The following INSR variants were observed in gnomAD, a reference collection of about 807,000 sequenced individuals.
INSR encodes IR.
INSR carries 67 observed loss-of-function variants against 142.6 expected under a neutral mutation model. That is an observed-to-expected ratio of 0.47 (90% confidence interval 0.39 to 0.58). INSR has a LOEUF of 0.58. INSR is among the 20% of genes least tolerant of loss of function. The probability of loss-of-function intolerance (pLI) is 0.00; values close to 1 mark genes in which losing one functional copy is unlikely to be tolerated. For missense variants in INSR, 1,248 were observed against 1,833.2 expected (o/e 0.68, Z 5.83); for synonymous variants, 756 against 743.1 (o/e 1.02, Z -0.28).
chr19:7,260,880 C>CTTTT (rs10628444), intron 2 of INSR, among the ~76,000 whole-genome samples: 3 of 144,500 alleles, frequency 2.1e-5, no homozygotes, highest in Non-Finnish European at 3.0e-5. Flanking sequence ...CAAAGAACTT[C>CTTTT]TTTTTTTTTT....
intron 2 of INSR, among the ~76,000 whole-genome samples, chr19:7,197,325 T>C (rs964901805): frequency 6.7e-6 from 1 of 150,094 alleles, no homozygotes; most frequent in African/African-American, 2.5e-5. Context: ...GGAGAGAGAG[T>C]GAGTGAGTGA....
intron 1 of INSR, among the ~76,000 whole-genome samples, chr19:7,290,681 G>A (rs1251422499): frequency 1.3e-5 from 2 of 151,464 alleles, no homozygotes; most frequent in African/African-American, 4.9e-5. Flanking sequence ...GCTGAGGCAG[G>A]AGATGCACTT....
chr19:7,178,812 C>T (rs575840750), intron 3 of INSR, among the ~76,000 whole-genome samples: 3 of 152,336 alleles, frequency 2.0e-5, no homozygotes, highest in Admixed American at 2.0e-4. Flanking sequence ...GAGGGTGATA[C>T]ATGCTGTTGC....
intron 3 of INSR, among the ~76,000 whole-genome samples, chr19:7,180,531 A>AAG (rs1309171323): frequency 6.8e-5 from 10 of 147,500 alleles, no homozygotes; most frequent in African/African-American, 2.2e-4. Flanking sequence ...CCTTGTCTCA[A>AAG]AAAAAAAAAA....
rs763755348 is a variant in INSR at position 7,207,253 on chromosome 19, T to C, written c.653-22616A>G. 7.2e-4 allele frequency among the ~76,000 whole-genome samples: 109 copies of C among 151,888 alleles called. 1 individual carries two copies. Among genetic ancestry groups the C allele is most frequent in the Admixed American group, 1.0e-3 (16 of 15,256 alleles). On this transcript the variant is annotated intron_variant, in intron 2 of 21. Transcript: ENST00000302850. ...CAACATGGTGAAACCTTGTCTCTGC[T>C]AAAAATAGAAAAATTAGCCAGGCAT...
At chr19:7,232,815 A>C (rs1976027327) in intron 2 of INSR, among the ~76,000 whole-genome samples, 1 of 152,126 alleles carries the variant, frequency 6.6e-6, no homozygotes, top group African/African-American at 2.4e-5. Flanking sequence ...GTCTCAAAAA[A>C]AAAAAATTTC....
chr19:7,158,381 G>A (rs1472626756), intron 9 of INSR, among the ~76,000 whole-genome samples: 2 of 152,082 alleles, frequency 1.3e-5, no homozygotes, highest in Non-Finnish European at 2.9e-5. Flanking sequence ...GGCGCCTGTA[G>A]TCCCAGCTAC....
chr19:7,185,048 C>T (rs948509016), intron 2 of INSR, among the ~76,000 whole-genome samples: 4 of 152,150 alleles, frequency 2.6e-5, no homozygotes, highest in Non-Finnish European at 5.9e-5. Context: ...TATAAGTATA[C>T]ACAAAATGTA....
At chr19:7,183,994 G>A (rs563093840) in intron 3 of INSR, among the ~76,000 whole-genome samples, 116 of 148,714 alleles carry the variant, frequency 7.8e-4, no homozygotes, top group Non-Finnish European at 1.6e-3. Context: ...AGGAGGCAGA[G>A]GTTGCAGTGA....
At chr19:7,121,839 G>T (rs542249828) in intron 19 of INSR, among the ~76,000 whole-genome samples, 1 of 152,276 alleles carries the variant, frequency 6.6e-6, no homozygotes, top group South Asian at 2.1e-4. Context: ...CTGGTGGGGG[G>T]TCCCCATCCA....
chr19:7,271,606 C>T (rs1365146447), intron 1 of INSR, among the ~76,000 whole-genome samples: 1 of 152,140 alleles, frequency 6.6e-6, no homozygotes, highest in Non-Finnish European at 1.5e-5. Flanking sequence ...AATATTAAAC[C>T]AAGAATTGCC....
At chr19:7,153,205 A>ACCCACG (rs1568449594) in intron 9 of INSR, among the ~76,000 whole-genome samples, 1 of 57,974 alleles carries the variant, frequency 1.7e-5, no homozygotes, top group East Asian at 3.2e-4. Flanking sequence ...CACCACACAC[A>ACCCACG]CCACACACCA....
intron 11 of INSR, among the ~76,000 whole-genome samples, chr19:7,143,787 G>C (rs946337582): frequency 1.3e-5 from 2 of 152,180 alleles, no homozygotes; most frequent in Non-Finnish European, 2.9e-5. Flanking sequence ...GGGCGAGGTG[G>C]CTCATGCCTA....
intron 12 of INSR, 85 bp downstream of exon 12, chr19:7,142,731 G>T: frequency 2.0e-6 from 3 of 1,480,046 alleles, no homozygotes; most frequent in Non-Finnish European, 2.8e-6. Context: ...ATACAGATAT[G>T]CACTGCTTAG....
At chr19:7,135,841 T>G (rs142179418) in intron 13 of INSR, among the ~76,000 whole-genome samples, 1,866 of 151,746 alleles carry the variant, frequency 0.012, 39 homozygotes, top group African/African-American at 0.043. Flanking sequence ...GGTCGTGGGT[T>G]CCTGTAGTCC....
At position 7,131,344 on chromosome 19, in the gene INSR, CTTATT is replaced by C. The variant is rs916335399; in HGVS notation, c.2842+809_2842+813del. ...CAAACCCCCAACAACACCCAATTTA[CTTATT>C]TTATTTTATTTTTTGAGACAGAGTC... On this transcript the variant is annotated intron_variant, in intron 14 of 21. Transcript: ENST00000302850. Among the ~76,000 whole-genome samples the C allele has an allele frequency of 6.0e-5, 9 of 151,236 alleles. No individual in the cohort carries two copies. In the South Asian group the frequency reaches 1.0e-3, roughly 18 times the overall value.
intron 19 of INSR, 71 bp from the exon 20 acceptor site, chr19:7,120,820 C>G: frequency 6.3e-7 from 1 of 1,585,948 alleles, no homozygotes. Context: ...CTTGACTGCC[C>G]CACCTCTCAC....
intron 2 of INSR, among the ~76,000 whole-genome samples, chr19:7,262,189 G>A (rs1977084079): frequency 6.6e-6 from 1 of 152,164 alleles, no homozygotes; most frequent in African/African-American, 2.4e-5. Context: ...AGCCTCCTAA[G>A]GCTGGGCGCG....
chr19:7,123,180 T>A (rs974187469), intron 17 of INSR, 191 bp from the exon 18 acceptor site: 277 of 580,992 alleles, frequency 4.8e-4, no homozygotes, highest in Non-Finnish European at 7.2e-4. Flanking sequence ...TTTTTTTTTT[T>A]TAATTTTCGA....
Sources: allele counts gnomAD v4.1 joint callset (sites outside exome capture counted in the v4.1 genomes callset), GRCh38; gene constraint gnomAD v4.1.1; transcripts MANE v1.5; gene names NCBI Gene and HGNC (gene_info 2026-07-23, HGNC 2026-07-21).